Variants in B4GALT2 observed in about 807,000 individuals in gnomAD.
B4GALT2 encodes the protein beta-1,4-galactosyltransferase 2, also known as N-acetyllactosamine synthase.
In B4GALT2, 18 loss-of-function variants were observed where a neutral mutation model predicts 33.2. The ratio of observed to expected loss-of-function variants is 0.54; its 90% CI spans 0.38 to 0.80. The LOEUF is 0.80. Ranked by LOEUF, B4GALT2 falls within the 30% of genes least tolerant of loss-of-function variation. B4GALT2 has a pLI of 0.00. For synonymous variants in B4GALT2, 214 were observed against 217.6 expected, an observed-to-expected ratio of 0.98 and a Z score of 0.15; for missense variants, 404 against 526.2, an observed-to-expected ratio of 0.77 and a Z score of 2.27.
chr1:43,985,537 A>C lies in B4GALT2; in HGVS notation c.884A>C (p.Lys295Thr). ...IFNRISLTGMKISRPDIRIGR... is the reference protein window; with the variant it reads ...IFNRISLTGMTISRPDIRIGR... Reference sequence around the variant, plus strand: ...CTCAGGATCTCCCTGACTGGGATGAAGATCTCACGCCCAGACATCCGAATC... The same window carrying C: ...CTCAGGATCTCCCTGACTGGGATGACGATCTCACGCCCAGACATCCGAATC... The change falls in exon 6 of 7, where the codon AAG (lysine) becomes ACG (threonine). Residue 295 changes from lysine to threonine, a missense_variant. Lys to Thr is a moderately conservative substitution (Grantham distance 78, BLOSUM62 -1). Coordinates refer to ENST00000372324, the MANE Select transcript of B4GALT2 (RefSeq NM_003780.5). The C allele has an allele frequency of 1.9e-6, 3 of 1,613,524 alleles. No individual in the cohort carries two copies. The highest frequency in any genetic ancestry group is 2.5e-6 in the Non-Finnish European group (3 of 1,179,924).
chr1:43,988,660 ACT>A (rs1427624759), intron 6 of B4GALT2, among the ~76,000 whole-genome samples: 2 of 151,684 alleles, frequency 1.3e-5, no homozygotes, highest in Admixed American at 6.6e-5. Flanking sequence ...ACAGAGCAAG[ACT>A]CTCAAAAAAG....
Position 43,979,444 on chromosome 1 carries a change from C to T in B4GALT2, c.-120C>T, listed in dbSNP as rs972179120. Reference sequence around the variant, plus strand: ...CCGGGCCATGGGGGACGGAACCGTCCGCAGCCGCCGGAGCCGGGAGCCCTG... The same window carrying T: ...CCGGGCCATGGGGGACGGAACCGTCTGCAGCCGCCGGAGCCGGGAGCCCTG... On this transcript the variant is annotated 5_prime_UTR_variant, in exon 1 of 7. Coordinates refer to ENST00000372324, the MANE Select transcript of B4GALT2 (RefSeq NM_003780.5). This position sits in a 1 kb window ranked among gnomAD's most constrained non-coding sequence, Gnocchi z 4.8. 1 of 151,520 alleles carries T rather than the reference C, an allele frequency of 6.6e-6. No individual in the cohort carries two copies. Among genetic ancestry groups the T allele is most frequent in the African/African-American group, 2.4e-5 (1 of 41,224 alleles). 9.4% of individuals were successfully genotyped at this position (151,520 alleles called of 1,614,324 possible). A position where few individuals can be genotyped will look rare whatever the true frequency, so the allele number is the denominator to read the frequency against.
At chr1:43,988,737 C>T (rs951935258) in intron 6 of B4GALT2, among the ~76,000 whole-genome samples, 1 of 150,714 alleles carries the variant, frequency 6.6e-6, no homozygotes. Flanking sequence ...GTCTCAGCTA[C>T]TCAGGAGGCT....
rs1441622529 is a variant in B4GALT2 at position 43,981,597 on chromosome 1, G to T, written c.314-92G>T. The T allele has an allele frequency of 6.5e-7, 1 of 1,532,422 alleles. No homozygotes were observed. The highest frequency in any genetic ancestry group is 2.3e-5 in the East Asian group (1 of 44,116). The allele number at this position is 1,532,422 out of a possible 1,614,324, so 94.9% of individuals were successfully genotyped here. On this transcript the variant is annotated intron_variant, in intron 2 of 6. Transcript: ENST00000372324. This position sits in a 1 kb window ranked among gnomAD's most constrained non-coding sequence, Gnocchi z 8.1. ...GTCTGTTGTAAGAGGGCTATTCTTG[G>T]GGTTCCCTAGCCCACCCCCAGGCTG...
chr1:43,981,254 T>G lies in B4GALT2; in HGVS notation c.94T>G (p.Phe32Val). 2.5e-6 allele frequency: 4 copies of G among 1,606,858 alleles called. No individual in the cohort carries two copies. Among genetic ancestry groups the G allele is most frequent in the Non-Finnish European group, 3.4e-6 (4 of 1,179,902 alleles). ...LHFLVAVILY[F>V]DVYAQHLAFF... ...CTTCCTCGTGGCCGTCATCCTCTAC[T>G]TTGACGTCTACGCCCAGCACCTGGC... The change falls in exon 2 of 7, where the codon TTT becomes GTT. Residue 32 changes from phenylalanine to valine, a missense_variant. By Grantham distance (50) the Phe-to-Val change is conservative (BLOSUM62 -1). Transcript: ENST00000372324. The surrounding 1 kb of genome is among the most constrained non-coding windows in gnomAD (Gnocchi z 8.1).
chr1:43,981,428 ACGG>A lies in B4GALT2; in HGVS notation c.270_272del (p.Ala91del). ...GGTCCCCAGTGCCCTGCCCGGTCCC[ACGG>A]CTCCCACGCTGCCACCCTGTCCTGA... is the stretch of plus-strand genomic sequence containing the variant. On this transcript the variant is annotated inframe_deletion, in exon 2 of 7. Transcript: ENST00000372324. The surrounding 1 kb of genome is among the most constrained non-coding windows in gnomAD (Gnocchi z 8.1). 6.3e-7 allele frequency: 1 copy of A among 1,593,164 alleles called. No homozygotes were observed. Among genetic ancestry groups the A allele is most frequent in the Non-Finnish European group, 8.5e-7 (1 of 1,175,850 alleles).
rs1264405728 is a variant in B4GALT2 at position 43,981,160 on chromosome 1, G to A, written c.-1G>A. ...TGGGCGGGCCAGTGGCCGCCTGCGG[G>A]ATGAGCAGACTGCTGGGGGGGACGC... On this transcript the variant is annotated 5_prime_UTR_variant, in exon 2 of 7. Transcript: ENST00000372324. The surrounding 1 kb of genome is among the most constrained non-coding windows in gnomAD (Gnocchi z 8.1). The A allele has an allele frequency of 6.3e-7, 1 of 1,598,934 alleles. No homozygotes were observed. Among genetic ancestry groups the A allele is most frequent in the Non-Finnish European group, 8.5e-7 (1 of 1,179,590 alleles).
chr1:43,981,676 G>A lies in B4GALT2; in HGVS notation c.314-13G>A. 6.3e-7 allele frequency: 1 copy of A among 1,598,896 alleles called. No homozygotes were observed. The highest frequency in any genetic ancestry group is 8.5e-7 in the Non-Finnish European group (1 of 1,170,686). On this transcript the variant is annotated splice_polypyrimidine_tract_variant and intron_variant, in intron 2 of 6. Coordinates refer to ENST00000372324, the MANE Select transcript of B4GALT2 (RefSeq NM_003780.5). This position sits in a 1 kb window ranked among gnomAD's most constrained non-coding sequence, Gnocchi z 8.1. ...GGCCAATGCCCTGATTCCTGACACTGTCCTGTCTGCAGTGGGCAGACTGCT... is the reference window on the plus strand; with the variant it reads ...GGCCAATGCCCTGATTCCTGACACTATCCTGTCTGCAGTGGGCAGACTGCT...
At position 43,982,879 on chromosome 1, in the gene B4GALT2, C is replaced by T. The variant is rs72890659; in HGVS notation, c.549+955C>T. Among the ~76,000 whole-genome samples the T allele has an allele frequency of 0.034, 5,195 of 152,118 alleles. 295 individuals carry two copies. Among genetic ancestry groups the T allele is most frequent in the African/African-American group, 0.12 (4,939 of 41,474 alleles). ...AGGGGAGATTAGAGACAGCGTGGCC[C>T]GTTTGGAAGAGAGGACGATGCCCAG... On this transcript the variant is annotated intron_variant, in intron 3 of 6. Coordinates refer to ENST00000372324, the MANE Select transcript of B4GALT2 (RefSeq NM_003780.5). This position sits in a 1 kb window ranked among gnomAD's most constrained non-coding sequence, Gnocchi z 4.3.
Position 43,981,934 on chromosome 1 carries a change from C to T in B4GALT2, c.549+10C>T, listed in dbSNP as rs2231282. On this transcript the variant is annotated intron_variant, in intron 3 of 6. Coordinates refer to ENST00000372324, the MANE Select transcript of B4GALT2 (RefSeq NM_003780.5). This position sits in a 1 kb window ranked among gnomAD's most constrained non-coding sequence, Gnocchi z 8.1. ...CTATGTCATCAACCAGGTGCCCATGCGGGGGTCCATGTGCCTGTTGGTGTA... is the reference window on the plus strand; with the variant it reads ...CTATGTCATCAACCAGGTGCCCATGTGGGGGTCCATGTGCCTGTTGGTGTA... The T allele has an allele frequency of 2.2e-4, 354 of 1,612,212 alleles. 1 individual carries two copies. The African/African-American group carries it at 3.8e-3, about 17-fold the overall frequency.
chr1:43,990,162 C>T, intron 6 of B4GALT2, 136 bp from the exon 7 acceptor site: 1 of 1,116,984 alleles, frequency 9.0e-7, no homozygotes. Context: ...CCCATCATAG[C>T]TGGAAACCCT....
At position 43,979,760 on chromosome 1, in the gene B4GALT2, C is replaced by G. The variant is rs1158627905; in HGVS notation, c.-53+249C>G. ...GCCCCGGCCTCGTGGCGCGGGGAGG[C>G]GTTCCATACACGTTTCCCCTTGGCC... On this transcript the variant is annotated intron_variant, in intron 1 of 6. Coordinates refer to ENST00000372324, the MANE Select transcript of B4GALT2 (RefSeq NM_003780.5). The surrounding 1 kb of genome is among the most constrained non-coding windows in gnomAD (Gnocchi z 4.8). The G allele has an allele frequency of 5.6e-5, 24 of 426,710 alleles. No homozygotes were observed. In the South Asian group the frequency reaches 7.7e-4, roughly 14 times the overall value. The allele number at this position is 426,710 out of a possible 1,614,324, so 26.4% of individuals were successfully genotyped here. A position where few individuals can be genotyped will look rare whatever the true frequency, so the allele number is the denominator to read the frequency against.
intron 6 of B4GALT2, among the ~76,000 whole-genome samples, chr1:43,988,752 C>T (rs1171910869): frequency 6.8e-6 from 1 of 147,364 alleles, no homozygotes; most frequent in Non-Finnish European, 1.5e-5. Flanking sequence ...GAGGCTAAGG[C>T]AGGAGAATCG....
intron 1 of B4GALT2, 112 bp from the exon 2 acceptor site, chr1:43,980,997 G>C: frequency 1.5e-6 from 2 of 1,360,664 alleles, no homozygotes; most frequent in Non-Finnish European, 1.9e-6. Context: ...GGTATGAGCA[G>C]GTCAGTGTGA....
At position 43,990,413 on chromosome 1, in the gene B4GALT2, A is replaced by C; in HGVS notation, c.1084A>C (p.Ile362Leu). The change falls in exon 7 of 7, where the codon ATT becomes CTT. Residue 362 changes from isoleucine (I) to leucine (L), a missense_variant. Ile to Leu is a conservative substitution (Grantham distance 5). Coordinates refer to ENST00000372324, the MANE Select transcript of B4GALT2 (RefSeq NM_003780.5). ...ACTCTTCACCAATATCACAGTGGAC[A>C]TTGGGCGGCCTCCGTCGTGGCCCCC... is the stretch of plus-strand genomic sequence containing the variant. ...QPLFTNITVDIGRPPSWPPRG is the reference protein window; with the variant it reads ...QPLFTNITVDLGRPPSWPPRG 1 of 1,614,004 alleles carries C rather than the reference A, an allele frequency of 6.2e-7. No individual in the cohort carries two copies. The highest frequency in any genetic ancestry group is 8.5e-7 in the Non-Finnish European group (1 of 1,180,008).
chr1:43,983,904 C>G (rs2085628023), intron 3 of B4GALT2, among the ~76,000 whole-genome samples: 1 of 152,160 alleles, frequency 6.6e-6, no homozygotes, highest in South Asian at 2.1e-4. Flanking sequence ...CCCACCTCTT[C>G]TGGCAGTGGC....
Position 43,990,583 on chromosome 1 carries a change from C to T in B4GALT2, c.*135C>T, listed in dbSNP as rs1254634919. 1.6e-6 allele frequency: 2 copies of T among 1,244,216 alleles called. No individual in the cohort carries two copies. The highest frequency in any genetic ancestry group is 3.0e-5 in the African/African-American group (2 of 66,346). 77.1% of individuals were successfully genotyped at this position (1,244,216 alleles called of 1,614,324 possible). On this transcript the variant is annotated 3_prime_UTR_variant, in exon 7 of 7. Coordinates refer to ENST00000372324, the MANE Select transcript of B4GALT2 (RefSeq NM_003780.5). Reference sequence around the variant, plus strand: ...TTTTCCAAGGGTCTTCACTAGGCCCCCTAGCTACACCTGGAAGTTTCAGAA... The same window carrying T: ...TTTTCCAAGGGTCTTCACTAGGCCCTCTAGCTACACCTGGAAGTTTCAGAA...
rs779549811 is a variant in B4GALT2 at position 43,984,387 on chromosome 1, A to G, written c.550-478A>G. Among the ~76,000 whole-genome samples, 1 of 152,262 alleles carries G rather than the reference A, an allele frequency of 6.6e-6. No individual in the cohort carries two copies. The highest frequency in any genetic ancestry group is 1.5e-5 in the Non-Finnish European group (1 of 68,044). On this transcript the variant is annotated intron_variant, in intron 3 of 6. Transcript: ENST00000372324. This position sits in a 1 kb window ranked among gnomAD's most constrained non-coding sequence, Gnocchi z 5.6. ...GGCCATCTCCAGAATCCCCGCTAGC[A>G]CAAAGGAGAGAGCGCCACAGGGCAT... is the stretch of plus-strand genomic sequence containing the variant.
rs1048266232 is a variant in B4GALT2 at position 43,982,819 on chromosome 1, A to T, written c.549+895A>T. 3.3e-5 allele frequency among the ~76,000 whole-genome samples: 5 copies of T among 152,230 alleles called. No homozygotes were observed. Among genetic ancestry groups the T allele is most frequent in the African/African-American group, 1.2e-4 (5 of 41,462 alleles). ...TGACTTGCGTGTTTGCTTTGTAGAA[A>T]GGTCACTCTGGTTGCATATGGAGCA... On this transcript the variant is annotated intron_variant, in intron 3 of 6. Coordinates refer to ENST00000372324, the MANE Select transcript of B4GALT2 (RefSeq NM_003780.5). This position sits in a 1 kb window ranked among gnomAD's most constrained non-coding sequence, Gnocchi z 4.3.
Sources: allele counts gnomAD v4.1 joint callset (sites outside exome capture counted in the v4.1 genomes callset), GRCh38; gene constraint gnomAD v4.1.1; non-coding constraint Gnocchi (gnomAD v3.1); transcripts MANE v1.5; gene names NCBI Gene and HGNC (gene_info 2026-07-23, HGNC 2026-07-21).